Variants in EIF4EBP1 observed in about 807,000 individuals in gnomAD.
EIF4EBP1 encodes eukaryotic translation initiation factor 4E-binding protein 1.
In EIF4EBP1, 5 loss-of-function variants were observed where a neutral mutation model predicts 9.2. The ratio of observed to expected loss-of-function variants is 0.54; its 90% CI spans 0.28 to 1.14. EIF4EBP1 has a LOEUF of 1.14. Among genes scored for constraint, EIF4EBP1 ranks in the 50% most tolerant of loss-of-function variants. The pLI is 0.09. For synonymous variants in EIF4EBP1, 62 were observed against 67.0 expected, an observed-to-expected ratio of 0.93 and a Z score of 0.36; for missense variants, 139 against 169.6, an observed-to-expected ratio of 0.82 and a Z score of 1.00.
chr8:38,037,416 A>G (rs1563414499), intron 1 of EIF4EBP1, among the ~76,000 whole-genome samples: 1 of 152,134 alleles, frequency 6.6e-6, no homozygotes, highest in Non-Finnish European at 1.5e-5. Context: ...TCCCTGGTTC[A>G]AGTGACTCTC....
intron 1 of EIF4EBP1, 79 bp downstream of exon 1, chr8:38,030,797 T>C (rs1809205938): frequency 1.5e-6 from 2 of 1,366,064 alleles, no homozygotes; most frequent in South Asian, 3.4e-5. Flanking sequence ...GGACCGGGTG[T>C]CCAGGCTCAA....
Position 38,048,110 on chromosome 8 carries a change from G to A in EIF4EBP1, c.146-8971G>A, listed in dbSNP as rs1431803949. On this transcript the variant is annotated intron_variant, in intron 1 of 2. Transcript: ENST00000338825. ...GGTAAAACCCTGTCTCTACAAAAAA[G>A]TATATACAAAAATTAGCTGGGTGTG... Among the ~76,000 whole-genome samples, 5 of 151,886 alleles carry A rather than the reference G, an allele frequency of 3.3e-5. 1 individual carries two copies. The highest frequency in any genetic ancestry group is 2.6e-4 in the Admixed American group (4 of 15,234).
At chr8:38,051,097 A>G (rs2130394481) in intron 1 of EIF4EBP1, among the ~76,000 whole-genome samples, 1 of 152,242 alleles carries the variant, frequency 6.6e-6, no homozygotes, top group East Asian at 1.9e-4. Flanking sequence ...AGATGCTGGT[A>G]AGAACCTGGG....
chr8:38,040,459 A>C (rs557991311), intron 1 of EIF4EBP1, among the ~76,000 whole-genome samples: 1 of 152,320 alleles, frequency 6.6e-6, no homozygotes, highest in South Asian at 2.1e-4. Flanking sequence ...TCAGTTAGCT[A>C]TTGCTATATA....
At chr8:38,040,159 A>G (rs1809357214) in intron 1 of EIF4EBP1, among the ~76,000 whole-genome samples, 1 of 152,214 alleles carries the variant, frequency 6.6e-6, no homozygotes, top group African/African-American at 2.4e-5. Context: ...TTGGGATTAC[A>G]GATGTGAGCC....
chr8:38,036,583 A>ATAAAG (rs1809305924), intron 1 of EIF4EBP1, among the ~76,000 whole-genome samples: 1 of 152,260 alleles, frequency 6.6e-6, no homozygotes, highest in Non-Finnish European at 1.5e-5. Context: ...ATCCATTGAC[A>ATAAAG]TAAAGTAGCG....
chr8:38,038,883 A>G (rs934224396), intron 1 of EIF4EBP1, among the ~76,000 whole-genome samples: 9 of 151,422 alleles, frequency 5.9e-5, no homozygotes, highest in African/African-American at 1.9e-4. Context: ...ACAAGTCCGT[A>G]AACTTCCTTA....
Position 38,060,313 on chromosome 8 carries a change from C to T in EIF4EBP1, c.*378C>T. 3.2e-6 allele frequency: 1 copy of T among 315,410 alleles called. No homozygotes were observed. The highest frequency in any genetic ancestry group is 6.0e-6 in the Non-Finnish European group (1 of 167,536). 19.5% of individuals were successfully genotyped at this position (315,410 alleles called of 1,614,324 possible). ...TTGATGTGCTTGGGAAAGCTCCCTC[C>T]CCCTCCTTCCCCAAGAGAGGAAATA... On this transcript the variant is annotated 3_prime_UTR_variant, in exon 3 of 3. Coordinates refer to ENST00000338825, the MANE Select transcript of EIF4EBP1 (RefSeq NM_004095.4).
At chr8:38,035,179 G>A (rs959446060) in intron 1 of EIF4EBP1, among the ~76,000 whole-genome samples, 5 of 152,094 alleles carry the variant, frequency 3.3e-5, no homozygotes. Flanking sequence ...TCCTGGTGTA[G>A]AGCACTCCAA....
chr8:38,036,345 A>T (rs1809302930), intron 1 of EIF4EBP1, among the ~76,000 whole-genome samples: 1 of 151,778 alleles, frequency 6.6e-6, no homozygotes, highest in Non-Finnish European at 1.5e-5. Flanking sequence ...CCCATCTCTA[A>T]TAAAAATACA....
At chr8:38,055,867 G>A (rs564287284) in intron 1 of EIF4EBP1, among the ~76,000 whole-genome samples, 11 of 152,088 alleles carry the variant, frequency 7.2e-5, no homozygotes, top group African/African-American at 2.7e-4. Context: ...ATGGTGGCAC[G>A]CACCTATAAT....
At chr8:38,043,367 C>CTTTTTT (rs60303823) in intron 1 of EIF4EBP1, among the ~76,000 whole-genome samples, 2 of 139,586 alleles carry the variant, frequency 1.4e-5, no homozygotes, top group African/African-American at 5.3e-5. Context: ...TTTTCTTTTT[C>CTTTTTT]TTTTTTTTTT....
intron 1 of EIF4EBP1, among the ~76,000 whole-genome samples, chr8:38,036,283 C>G (rs1319745131): frequency 2.0e-5 from 3 of 151,898 alleles, no homozygotes; most frequent in Non-Finnish European, 2.9e-5. Context: ...GGAGGCTAAG[C>G]AGATCACCTG....
At chr8:38,053,913 AGTT>A (rs914674209) in intron 1 of EIF4EBP1, among the ~76,000 whole-genome samples, 143 of 152,250 alleles carry the variant, frequency 9.4e-4, no homozygotes, top group African/African-American at 3.2e-3. Context: ...GGGGAAGGGG[AGTT>A]GTTGTAGAGT....
intron 2 of EIF4EBP1, among the ~76,000 whole-genome samples, chr8:38,058,479 G>A (rs767838122): frequency 3.3e-5 from 5 of 152,088 alleles, no homozygotes; most frequent in African/African-American, 9.7e-5. Flanking sequence ...ACCTCTTAAC[G>A]GCCCCAACTC....
chr8:38,044,335 G>T (rs1809422998), intron 1 of EIF4EBP1, among the ~76,000 whole-genome samples: 1 of 152,190 alleles, frequency 6.6e-6, no homozygotes, highest in Non-Finnish European at 1.5e-5. Flanking sequence ...AAGCGCTCAA[G>T]GCAGGGAACA....
chr8:38,044,652 C>G (rs1809428071), intron 1 of EIF4EBP1, among the ~76,000 whole-genome samples: 1 of 152,190 alleles, frequency 6.6e-6, no homozygotes, highest in Admixed American at 6.5e-5. Flanking sequence ...GTTGCCCAGG[C>G]TGGTCTCAAA....
intron 1 of EIF4EBP1, among the ~76,000 whole-genome samples, chr8:38,051,068 A>G (rs1198027468): frequency 6.6e-6 from 1 of 152,144 alleles, no homozygotes; most frequent in Non-Finnish European, 1.5e-5. Flanking sequence ...TTAAGAGAGT[A>G]AACCTCAGGG....
intron 1 of EIF4EBP1, among the ~76,000 whole-genome samples, chr8:38,033,968 G>A (rs941122682): frequency 1.3e-5 from 2 of 151,822 alleles, no homozygotes; most frequent in South Asian, 2.1e-4. Context: ...GGATGGTCTC[G>A]ATCTCCTGAC....
Sources: allele counts gnomAD v4.1 joint callset (sites outside exome capture counted in the v4.1 genomes callset), GRCh38; gene constraint gnomAD v4.1.1; transcripts MANE v1.5; gene names NCBI Gene and HGNC (gene_info 2026-07-23, HGNC 2026-07-21).